C4orf51: variants seen among roughly 807,000 people sequenced by gnomAD.
The protein encoded by C4orf51 is uncharacterized protein C4orf51.
C4orf51 carries 25 observed loss-of-function variants against 25.2 expected under a neutral mutation model. That is an observed-to-expected ratio of 0.99 (90% CI 0.72 to 1.39). C4orf51 has a LOEUF of 1.39. Ranked by LOEUF, C4orf51 falls within the 40% of genes most tolerant of loss-of-function variation. C4orf51 has a pLI of 0.00. For synonymous variants in C4orf51, 100 were observed against 84.5 expected (o/e 1.18, Z -1.01); for missense variants, 252 against 239.6 (o/e 1.05, Z -0.34).
intron 2 of C4orf51, among the ~76,000 whole-genome samples, chr4:145,708,382 G>A (rs939290095): frequency 3.9e-5 from 6 of 152,192 alleles, no homozygotes; most frequent in African/African-American, 1.4e-4. Context: ...CTTTCCGTTT[G>A]GGGAGATACA....
the C4orf51 span, among the ~76,000 whole-genome samples, chr4:145,780,379 T>C: frequency 2.0e-5 from 3 of 152,212 alleles, no homozygotes; most frequent in South Asian, 2.1e-4. Context: ...GAATCAGTGA[T>C]AACTACCACA....
downstream of C4orf51, among the ~76,000 whole-genome samples, chr4:145,733,452 CGGCA>C (rs1732622824): frequency 2.0e-5 from 3 of 152,220 alleles, no homozygotes; most frequent in Non-Finnish European, 4.4e-5. Context: ...CGAAGGGCCC[CGGCA>C]GCCGCCGACT....
intron 1 of C4orf51, among the ~76,000 whole-genome samples, chr4:145,690,753 C>A (rs140793856): frequency 6.6e-6 from 1 of 152,118 alleles, no homozygotes; most frequent in Non-Finnish European, 1.5e-5. Context: ...GGACTACTAT[C>A]CAGAATCCAC....
At chr4:145,692,952 A>ATTTTTT (rs1729685854) in intron 1 of C4orf51, among the ~76,000 whole-genome samples, 2 of 25,750 alleles carry the variant, frequency 7.8e-5, no homozygotes, top group Admixed American at 4.8e-4. Flanking sequence ...TTAAGTTTTT[A>ATTTTTT]GTTTTTTTTT....
the C4orf51 span, among the ~76,000 whole-genome samples, chr4:145,787,783 G>T: frequency 1.3e-5 from 2 of 152,100 alleles, no homozygotes; most frequent in Non-Finnish European, 2.9e-5. Context: ...AGAGGACTCT[G>T]ATACTTCCAA....
At chr4:145,760,675 T>G in intron 1 of C4orf51, 2 of 834,694 alleles carry the variant, frequency 2.4e-6, no homozygotes, top group Non-Finnish European at 3.0e-6. Flanking sequence ...GGTCTGTAGG[T>G]TTTGCAGCAA....
chr4:145,684,281 G>C (rs1327699904), intron 1 of C4orf51, among the ~76,000 whole-genome samples: 2 of 152,146 alleles, frequency 1.3e-5, no homozygotes, highest in African/African-American at 4.8e-5. Flanking sequence ...AGGAGATCGA[G>C]ACCAACCTGG....
At chr4:145,737,151 C>T (rs1247404246), downstream of C4orf51, among the ~76,000 whole-genome samples, 1 of 151,726 alleles carries the variant, frequency 6.6e-6, no homozygotes, top group African/African-American at 2.4e-5. Context: ...TTCTTAGACC[C>T]AATGACGTTG....
chr4:145,733,727 T>G (rs1290963983), downstream of C4orf51, among the ~76,000 whole-genome samples: 5 of 152,182 alleles, frequency 3.3e-5, no homozygotes, highest in Non-Finnish European at 7.4e-5. Context: ...CCGGGAGCCA[T>G]CTGGTCTGAT....
intron 5 of C4orf51, among the ~76,000 whole-genome samples, chr4:145,731,562 A>AT (rs1732465657): frequency 1.1e-5 from 1 of 93,242 alleles, no homozygotes; most frequent in Non-Finnish European, 2.1e-5. Flanking sequence ...GACAAGGCAA[A>AT]TCTTTTTTTT....
downstream of C4orf51, among the ~76,000 whole-genome samples, chr4:145,733,058 G>A (rs983003415): frequency 4.6e-5 from 7 of 152,118 alleles, no homozygotes; most frequent in African/African-American, 1.7e-4. Flanking sequence ...CCTCAGACGC[G>A]GCGGGCTCGC....
chr4:145,730,552 G>T (rs150569532), intron 5 of C4orf51, among the ~76,000 whole-genome samples: 1,681 of 152,118 alleles, frequency 0.011, 39 homozygotes, highest in African/African-American at 0.039. Context: ...TTGAAAGAAA[G>T]AATAAAAACT....
chr4:145,696,512 A>G, intron 1 of C4orf51, 47 bp from the exon 2 acceptor site: 2 of 1,457,338 alleles, frequency 1.4e-6, no homozygotes, highest in Admixed American at 3.4e-5. Flanking sequence ...CATGTGATTT[A>G]TAAATCCATA....
At chr4:145,693,240 G>C (rs112183960) in intron 1 of C4orf51, among the ~76,000 whole-genome samples, 1,556 of 149,934 alleles carry the variant, frequency 0.01, 30 homozygotes, top group African/African-American at 0.037. Flanking sequence ...GACTCTTAAC[G>C]AGCATGCTGC....
At chr4:145,751,521 C>G (rs1733674177) in intron 1 of C4orf51, among the ~76,000 whole-genome samples, 1 of 152,198 alleles carries the variant, frequency 6.6e-6, no homozygotes, top group Admixed American at 6.5e-5. Flanking sequence ...CTGCCTGGAA[C>G]TGGGGATAGA....
intron 1 of C4orf51, chr4:145,764,804 C>A: frequency 1.4e-6 from 1 of 730,360 alleles, no homozygotes. Flanking sequence ...CATCTGTTGA[C>A]ACCCTAGGGG....
chr4:145,703,196 A>G (rs1479228361), intron 2 of C4orf51, among the ~76,000 whole-genome samples: 3 of 151,120 alleles, frequency 2.0e-5, no homozygotes, highest in Admixed American at 2.0e-4. Flanking sequence ...TTCCACCACA[A>G]AACAAGTGTA....
intron 3 of C4orf51, among the ~76,000 whole-genome samples, chr4:145,727,252 C>T (rs1032851603): frequency 2.6e-5 from 4 of 152,044 alleles, no homozygotes; most frequent in African/African-American, 9.7e-5. Context: ...ATATAATATA[C>T]TGGCAGTTAA....
intron 1 of C4orf51, among the ~76,000 whole-genome samples, chr4:145,750,117 A>AT (rs1005383666): frequency 6.6e-6 from 1 of 152,040 alleles, no homozygotes; most frequent in Non-Finnish European, 1.5e-5. Flanking sequence ...ATTATTTTTA[A>AT]TTGGTTCATC....
Sources: allele counts gnomAD v4.1 joint callset (sites outside exome capture counted in the v4.1 genomes callset), GRCh38; gene constraint gnomAD v4.1.1; transcripts MANE v1.5; gene names NCBI Gene and HGNC (gene_info 2026-07-23, HGNC 2026-07-21).